The following COL4A5 variants were observed in gnomAD, a reference collection of about 807,000 sequenced individuals.
COL4A5 encodes the protein collagen type IV alpha 5 chain.
A neutral mutation model predicts 130.2 loss-of-function variants in COL4A5; 26 were observed. The observed-to-expected ratio is 0.20, with a 90% CI of 0.15 to 0.28. COL4A5 has a LOEUF of 0.28. Among genes scored for constraint, COL4A5 ranks in the 10% least tolerant of loss-of-function variants. COL4A5 has a pLI of 1.00. For synonymous variants in COL4A5, 496 were observed against 439.6 expected, an observed-to-expected ratio of 1.13 and a Z score of -1.60; for missense variants, 1,131 against 1,344.3, an observed-to-expected ratio of 0.84 and a Z score of 2.48.
At chrX:108,452,688 T>C (rs377252312) in intron 1 of COL4A5, among the ~76,000 whole-genome samples, 1 of 112,218 alleles carries the variant, frequency 8.9e-6, no homozygotes, top group East Asian at 2.8e-4. Flanking sequence ...ATCCTGAGAC[T>C]TTGCTGAAGT....
intron 52 of COL4A5, chrX:108,696,081 T>C (rs1000549242): frequency 1.8e-5 from 7 of 394,201 alleles, no homozygotes; most frequent in Non-Finnish European, 2.7e-5. Flanking sequence ...ACAAAGATAA[T>C]AGTGGTGGGG....
Position 108,620,256 on chromosome X carries a change from T to G in COL4A5, c.2510-3T>G. ...TTATTAATATTGATATTGTATTAAC[T>G]AGGTTTACATGGAATACCAGGAGAG... On this transcript the variant is annotated splice_polypyrimidine_tract_variant and splice_region_variant and intron_variant, in intron 30 of 52. Coordinates refer to ENST00000328300, the MANE Select transcript of COL4A5 (RefSeq NM_033380.3). The G allele has an allele frequency of 8.4e-7, 1 of 1,195,972 alleles. No homozygotes were observed.
intron 1 of COL4A5, among the ~76,000 whole-genome samples, chrX:108,501,970 TC>T (rs1173307926): frequency 6.3e-5 from 6 of 94,819 alleles, no homozygotes; most frequent in South Asian, 3.8e-4. Context: ...CTTCTGCTTT[TC>T]TTTTTTTCTT....
At chrX:108,494,400 A>C (rs1188121181) in intron 1 of COL4A5, among the ~76,000 whole-genome samples, 1 of 111,985 alleles carries the variant, frequency 8.9e-6, no homozygotes, top group Admixed American at 9.5e-5. Context: ...AATTAGTACA[A>C]GGGGCAGGAG....
intron 44 of COL4A5, among the ~76,000 whole-genome samples, chrX:108,680,310 C>T (rs952765861): frequency 2.6e-4 from 29 of 111,683 alleles, no homozygotes; most frequent in African/African-American, 6.5e-4. Context: ...GTGACATTTC[C>T]CTTACCCAAC....
intron 1 of COL4A5, among the ~76,000 whole-genome samples, chrX:108,473,690 G>GGCGA (rs2064805061): frequency 3.4e-5 from 3 of 87,576 alleles, no homozygotes; most frequent in Non-Finnish European, 6.6e-5. Context: ...GGAGTGCAGT[G>GGCGA]GTGCAATCTC....
At chrX:108,579,053 A>G (rs767629811) in intron 13 of COL4A5, among the ~76,000 whole-genome samples, 1 of 97,603 alleles carries the variant, frequency 1.0e-5, no homozygotes, top group South Asian at 5.2e-4. Context: ...TAAAGTGTAC[A>G]ATTCAATTTT....
intron 19 of COL4A5, among the ~76,000 whole-genome samples, chrX:108,588,801 G>A (rs770210440): frequency 2.8e-4 from 31 of 111,524 alleles, no homozygotes; most frequent in Admixed American, 4.7e-4. Flanking sequence ...CTACAAAGCA[G>A]TGAGTCAGAG....
chrX:108,554,921 G>C (rs1312062221), intron 2 of COL4A5, among the ~76,000 whole-genome samples: 1 of 111,898 alleles, frequency 8.9e-6, no homozygotes. Flanking sequence ...TATACTCTAC[G>C]CATGTATGAT....
intron 1 of COL4A5, among the ~76,000 whole-genome samples, chrX:108,520,475 C>T (rs2065254749): frequency 9.0e-6 from 1 of 111,374 alleles, no homozygotes; most frequent in Non-Finnish European, 1.9e-5. Context: ...GTTCAATCAG[C>T]CATTAGAGGT....
At chrX:108,598,202 A>T (rs577336266) in intron 24 of COL4A5, among the ~76,000 whole-genome samples, 1 of 110,821 alleles carries the variant, frequency 9.0e-6, no homozygotes, top group South Asian at 3.8e-4. Context: ...AATAAATTAA[A>T]TAAATAAATA....
At chrX:108,584,006 T>A (rs186395823) in intron 17 of COL4A5, among the ~76,000 whole-genome samples, 300 of 104,950 alleles carry the variant, frequency 2.9e-3, no homozygotes, top group African/African-American at 0.01. Context: ...AAAATGTCTG[T>A]CACTAATAGA....
intron 42 of COL4A5, among the ~76,000 whole-genome samples, chrX:108,673,249 T>TA (rs1002490976): frequency 1.8e-5 from 2 of 111,304 alleles, no homozygotes; most frequent in Admixed American, 1.9e-4. Flanking sequence ...ATTTTACAGG[T>TA]AAAAAACCAT....
intron 37 of COL4A5, among the ~76,000 whole-genome samples, chrX:108,659,217 T>C (rs1337089494): frequency 2.7e-5 from 3 of 111,568 alleles, no homozygotes; most frequent in African/African-American, 9.7e-5. Context: ...CAGATATCTT[T>C]ATGTTATTGA....
At chrX:108,569,175 A>G (rs959863482) in intron 6 of COL4A5, 10 of 143,878 alleles carry the variant, frequency 7.0e-5, no homozygotes, top group Non-Finnish European at 1.4e-4. Context: ...CTTTGCCATT[A>G]TTAAAAAACT....
chrX:108,517,014 A>C (rs1237275479), intron 1 of COL4A5, among the ~76,000 whole-genome samples: 2 of 111,754 alleles, frequency 1.8e-5, no homozygotes, highest in African/African-American at 6.5e-5. Context: ...AGAGGACCAG[A>C]TAAGTATATG....
chrX:108,586,878 C>T, intron 19 of COL4A5, 131 bp downstream of exon 19: 1 of 686,538 alleles, frequency 1.5e-6, no homozygotes, highest in Non-Finnish European at 2.3e-6. Flanking sequence ...ACAGATACTT[C>T]CCAACTCTTA....
intron 1 of COL4A5, among the ~76,000 whole-genome samples, chrX:108,518,015 A>T (rs1043384589): frequency 9.0e-6 from 1 of 111,130 alleles, no homozygotes; most frequent in Non-Finnish European, 1.9e-5. Flanking sequence ...TACAGAGCCA[A>T]CACTATATAA....
chrX:108,601,518 A>G (rs2066627826), intron 26 of COL4A5, 33 bp downstream of exon 26: 1 of 926,858 alleles, frequency 1.1e-6, no homozygotes, highest in Non-Finnish European at 1.5e-6. Context: ...AGTAACTTCA[A>G]CACCGATGGC....
Sources: allele counts gnomAD v4.1 joint callset (sites outside exome capture counted in the v4.1 genomes callset), GRCh38; gene constraint gnomAD v4.1.1; transcripts MANE v1.5; gene names NCBI Gene and HGNC (gene_info 2026-07-23, HGNC 2026-07-21).